Variants in HEMGN observed in about 807,000 individuals in gnomAD.
The protein encoded by HEMGN is hemogen, also known as erythroid differentiation-associated gene protein.
Under a neutral mutation model 45.7 loss-of-function variants are expected in HEMGN, and 32 were observed. The ratio of observed to expected loss-of-function variants is 0.70; its 90% confidence interval spans 0.53 to 0.94. HEMGN has a LOEUF of 0.94. Among genes scored for constraint, HEMGN ranks in the 40% least tolerant of loss-of-function variants. HEMGN has a pLI of 0.00. For synonymous variants in HEMGN, 183 were observed against 178.6 expected, an observed-to-expected ratio of 1.02 and a Z score of -0.20; for missense variants, 530 against 564.2, an observed-to-expected ratio of 0.94 and a Z score of 0.61.
At chr9:97,934,677 C>T (rs1827025237) in intron 2 of HEMGN, among the ~76,000 whole-genome samples, 1 of 152,058 alleles carries the variant, frequency 6.6e-6, no homozygotes, top group African/African-American at 2.4e-5. Flanking sequence ...TCACTTTCTG[C>T]AAAATCATCC....
rs767405162 is a variant in HEMGN, at chr9:97,938,071, C to G, written c.66G>C (p.Glu22Asp). 2 of 1,607,118 alleles carry G rather than the reference C, an allele frequency of 1.2e-6. No homozygotes were observed. Among genetic ancestry groups the G allele is most frequent in the Non-Finnish European group, 1.7e-6 (2 of 1,175,822 alleles). ...HHQTPDPHQE[E>D]NHSPEVIGTW... is the part of the protein sequence containing the mutation. ...ATTTTTCATTACCTGGAGAATGGTT[C>G]TCTTCTTGATGAGGGTCAGGTGTCT... The change falls in exon 1 of 4, where the codon GAG (glutamate) becomes GAC (aspartate). Residue 22 changes from glutamate (E) to aspartate (D), a missense_variant. Coordinates refer to ENST00000616898, the MANE Select transcript of HEMGN (RefSeq NM_197978.3).
In HEMGN at chr9:97,927,807, A is replaced by G. The variant is rs369206962; in HGVS notation, c.1361-329T>C. 1.5e-4 allele frequency among the ~76,000 whole-genome samples: 23 copies of G among 152,292 alleles called. 1 individual carries two copies. In the South Asian group the frequency reaches 4.8e-3, roughly 32 times the overall value. ...AAAATATTTGCAACATATACATAGT[A>G]AAAACTATTATTTAAAGAGGTTTTT... On this transcript the variant is annotated intron_variant, in intron 3 of 3. Coordinates refer to ENST00000616898, the MANE Select transcript of HEMGN (RefSeq NM_197978.3).
In HEMGN at chr9:97,930,892, T is replaced by C; in HGVS notation, c.503A>G (p.Glu168Gly). ...CATTTTAGGAGAGAGGTCTTCAGGT[T>C]CAGACACATGTTGGCATGTTTCAGA... ...HSSETCQHVS[E>G]PEDLSPKMYQ... Residue 168 changes from glutamate to glycine, a missense_variant, in exon 3 of 4, where the codon GAA (glutamate) becomes GGA (glycine). Transcript: ENST00000616898. 1 of 1,614,198 alleles carries C rather than the reference T, an allele frequency of 6.2e-7. No homozygotes were observed. The highest frequency in any genetic ancestry group is 8.5e-7 in the Non-Finnish European group (1 of 1,180,016).
At chr9:97,931,805 G>A (rs919644784) in intron 2 of HEMGN, among the ~76,000 whole-genome samples, 4 of 152,148 alleles carry the variant, frequency 2.6e-5, no homozygotes, top group African/African-American at 9.7e-5. Flanking sequence ...GTCAAAAGCT[G>A]CAAAAGCACT....
At chr9:97,936,575 CTG>C (rs1166406823) in intron 1 of HEMGN, among the ~76,000 whole-genome samples, 1 of 152,192 alleles carries the variant, frequency 6.6e-6, no homozygotes, top group African/African-American at 2.4e-5. Flanking sequence ...CCATATTTTG[CTG>C]TCTTTAACAT....
Position 97,930,659 on chromosome 9 carries a change from T to G in HEMGN, c.736A>C (p.Thr246Pro), listed in dbSNP as rs750240939. 1.2e-6 allele frequency: 2 copies of G among 1,614,098 alleles called. No homozygotes were observed. The highest frequency in any genetic ancestry group is 2.7e-5 in the African/African-American group (2 of 74,932). The stretch of plus-strand genomic sequence containing the variant: ...GCCAGATCAGCTGTGTCTTCAGATG[T>G]TGGACAAGGAAGGATTTTGGGTACA... ...AAVPKILPCP[T>P]SEDTADLAGC... is the part of the protein sequence containing the mutation. The change falls in exon 3 of 4, where the codon ACA (threonine) becomes CCA (proline). Residue 246 changes from threonine (T) to proline (P), a missense_variant. Thr to Pro is a conservative substitution (Grantham distance 38, BLOSUM62 -1). Coordinates refer to ENST00000616898, the MANE Select transcript of HEMGN (RefSeq NM_197978.3).
intron 1 of HEMGN, among the ~76,000 whole-genome samples, chr9:97,943,881 C>T (rs1403527545): frequency 6.6e-6 from 1 of 151,924 alleles, no homozygotes; most frequent in Non-Finnish European, 1.5e-5. Flanking sequence ...TCTTTTTTGA[C>T]CTCTCTGCAG....
chr9:97,936,090 G>T, intron 2 of HEMGN, 81 bp downstream of exon 2: 1 of 903,200 alleles, frequency 1.1e-6, no homozygotes, highest in Non-Finnish European at 1.8e-6. Flanking sequence ...AAAATACAGT[G>T]TGTAAAGTGC....
At chr9:97,943,166 A>G (rs936652919), upstream of HEMGN, among the ~76,000 whole-genome samples, 1 of 152,222 alleles carries the variant, frequency 6.6e-6, no homozygotes, top group African/African-American at 2.4e-5. Context: ...GGAGCTTTTT[A>G]TAAAATGAAA....
rs1826838775 is a variant in HEMGN at position 97,927,057 on chromosome 9, G to A, written c.*327C>T. The A allele has an allele frequency of 5.6e-6, 1 of 177,378 alleles. No individual in the cohort carries two copies. Among genetic ancestry groups the A allele is most frequent in the Non-Finnish European group, 1.2e-5 (1 of 85,088 alleles). The allele number at this position is 177,378 out of a possible 1,614,324, so 11.0% of individuals were successfully genotyped here. A position where few individuals can be genotyped will look rare whatever the true frequency, so the allele number is the denominator to read the frequency against. ...TGTGTTCAGTCTTAGTCACTTATCTGCTCTTAAGACGTAAATAAATGTTCT... is the reference window on the plus strand; with the variant it reads ...TGTGTTCAGTCTTAGTCACTTATCTACTCTTAAGACGTAAATAAATGTTCT... On this transcript the variant is annotated 3_prime_UTR_variant, in exon 4 of 4. Transcript: ENST00000616898.
Position 97,927,407 on chromosome 9 carries a change from C to A in HEMGN, c.1432G>T (p.Val478Phe), listed in dbSNP as rs1170427959. Residue 478 changes from valine to phenylalanine, a missense_variant, in exon 4 of 4, where the codon GTC becomes TTC. Transcript: ENST00000616898. ...TGTTAAAACAAAACATAACTATAGA[C>A]ATCATTTTCTGGATGACTCTCATTC... ...ILNESHPEND[V>F]YSYVLF 1.2e-6 allele frequency: 2 copies of A among 1,605,864 alleles called. No homozygotes were observed. The highest frequency in any genetic ancestry group is 1.7e-6 in the Non-Finnish European group (2 of 1,173,838).
chr9:97,933,935 C>T (rs1216309538), intron 2 of HEMGN, among the ~76,000 whole-genome samples: 1 of 152,220 alleles, frequency 6.6e-6, no homozygotes, highest in Non-Finnish European at 1.5e-5. Context: ...TCTGTTAGCA[C>T]ACTGAGACTA....
chr9:97,928,188 G>A (rs1041314764), intron 3 of HEMGN, among the ~76,000 whole-genome samples: 10 of 151,994 alleles, frequency 6.6e-5, no homozygotes, highest in Non-Finnish European at 1.3e-4. Flanking sequence ...CACCGCGCCC[G>A]GCTAATTTTT....
At chr9:97,932,098 A>G (rs1826964340) in intron 2 of HEMGN, among the ~76,000 whole-genome samples, 2 of 152,180 alleles carry the variant, frequency 1.3e-5, no homozygotes, top group Admixed American at 6.5e-5. Context: ...CTAAGAGACT[A>G]CAGGACTAAA....
intron 2 of HEMGN, among the ~76,000 whole-genome samples, chr9:97,935,694 T>C (rs183476557): frequency 2.6e-5 from 4 of 152,336 alleles, no homozygotes; most frequent in Non-Finnish European, 5.9e-5. Flanking sequence ...CAGGTGAACA[T>C]ACAGGTTATC....
intron 1 of HEMGN, among the ~76,000 whole-genome samples, 181 bp from the exon 2 acceptor site, chr9:97,936,445 T>A (rs1827062882): frequency 6.6e-6 from 1 of 152,222 alleles, no homozygotes; most frequent in South Asian, 2.1e-4. Context: ...ATTCAGCAAA[T>A]GTTTTTGAAT....
chr9:97,943,690 C>T (rs994235762), intron 1 of HEMGN, among the ~76,000 whole-genome samples: 1 of 152,154 alleles, frequency 6.6e-6, no homozygotes, highest in Non-Finnish European at 1.5e-5. Flanking sequence ...TGAGCCTCCC[C>T]CTTATCCCTG....
chr9:97,932,861 A>T lies in HEMGN; in HGVS notation c.174-1640T>A, dbSNP rs564059471. Among the ~76,000 whole-genome samples, 7 of 152,012 alleles carry T rather than the reference A, an allele frequency of 4.6e-5. No individual in the cohort carries two copies. In the South Asian group the frequency reaches 1.5e-3, roughly 32 times the overall value. On this transcript the variant is annotated intron_variant, in intron 2 of 3. Transcript: ENST00000616898. ...ATGGTTATGGCACCTCAGCATTTTGAACTATTACTACAAGTAACCAAGGTG... is the reference window on the plus strand; with the variant it reads ...ATGGTTATGGCACCTCAGCATTTTGTACTATTACTACAAGTAACCAAGGTG...
upstream of HEMGN, among the ~76,000 whole-genome samples, chr9:97,939,549 G>A (rs535397954): frequency 3.9e-5 from 6 of 152,288 alleles, no homozygotes; most frequent in South Asian, 8.3e-4. Context: ...CAAAGAAACT[G>A]AGAACCGAGG....
Sources: allele counts gnomAD v4.1 joint callset (sites outside exome capture counted in the v4.1 genomes callset), GRCh38; gene constraint gnomAD v4.1.1; transcripts MANE v1.5; gene names NCBI Gene and HGNC (gene_info 2026-07-23, HGNC 2026-07-21).